ROBO1: variants seen among roughly 807,000 people sequenced by gnomAD.
ROBO1 encodes the protein roundabout homolog 1.
In ROBO1, 149 loss-of-function variants were observed where a neutral mutation model predicts 195.9. That is an observed-to-expected ratio of 0.76 (90% confidence interval 0.67 to 0.87). The LOEUF is 0.87. ROBO1 is among the 40% of genes least tolerant of loss of function. The pLI is 0.00. For missense variants in ROBO1, 1,933 were observed against 2,068.3 expected (o/e 0.93, Z 1.27); for synonymous variants, 816 against 733.2 (o/e 1.11, Z -1.82).
rs1271573537 is a variant in ROBO1, at chr3:78,957,675, T to C, written c.173-18748A>G. 2.6e-5 allele frequency among the ~76,000 whole-genome samples: 4 copies of C among 152,158 alleles called. No individual in the cohort carries two copies. In the East Asian group the frequency reaches 5.8e-4, roughly 22 times the overall value. ...GCTCAGTCATGCCCTGTGTGATCCT[T>C]AGGAGTTAAAAGACTGGATATGGAT... On this transcript the variant is annotated intron_variant, in intron 3 of 30. Coordinates refer to ENST00000464233, the MANE Select transcript of ROBO1 (RefSeq NM_002941.4).
intron 1 of ROBO1, among the ~76,000 whole-genome samples, chr3:79,748,754 C>T (rs1049931023): frequency 2.6e-5 from 4 of 152,128 alleles, no homozygotes; most frequent in Non-Finnish European, 5.9e-5. Flanking sequence ...AGTTTGCCTG[C>T]ACGAGCTCTT....
chr3:79,675,502 A>C (rs1560090701), intron 1 of ROBO1, among the ~76,000 whole-genome samples: 2 of 152,164 alleles, frequency 1.3e-5, no homozygotes, highest in East Asian at 3.9e-4. Context: ...CCTCCTCTTC[A>C]TGAACTTGGA....
intron 3 of ROBO1, among the ~76,000 whole-genome samples, chr3:79,061,813 C>A (rs550698760): frequency 1.1e-4 from 17 of 152,094 alleles, no homozygotes; most frequent in Non-Finnish European, 2.2e-4. Flanking sequence ...AAAGCTGAAA[C>A]TGGATCCCTT....
chr3:79,112,123 G>T (rs997475191), intron 3 of ROBO1, among the ~76,000 whole-genome samples: 1 of 152,086 alleles, frequency 6.6e-6, no homozygotes, highest in East Asian at 1.9e-4. Context: ...TTGAAATATG[G>T]CTACTAGAAA....
At position 78,900,940 on chromosome 3, in the gene ROBO1, C is replaced by T. The variant is rs758962894; in HGVS notation, c.499+37661G>A. ...AGATAAAATAGAAAATGAAATGCAA[C>T]ACCTTTATTCATCTCATCTGTCTCT... On this transcript the variant is annotated intron_variant, in intron 4 of 30. Transcript: ENST00000464233. Among the ~76,000 whole-genome samples the T allele has an allele frequency of 4.6e-5, 7 of 152,144 alleles. No individual in the cohort carries two copies. The South Asian group carries it at 1.2e-3, about 27-fold the overall frequency.
At position 79,451,719 on chromosome 3, in the gene ROBO1, C is replaced by T. The variant is rs115829266; in HGVS notation, c.88+138105G>A. Among the ~76,000 whole-genome samples the T allele has an allele frequency of 3.5e-3, 533 of 151,850 alleles. 2 individuals carry two copies. The highest frequency in any genetic ancestry group is 5.6e-3 in the Non-Finnish European group (378 of 67,914). The stretch of plus-strand genomic sequence containing the variant: ...GAAGGTTACTATCAAACAACCAGTA[C>T]GTGGTATTTCGTTACAGCATCTCAG... On this transcript the variant is annotated intron_variant, in intron 2 of 30. Coordinates refer to ENST00000464233, the MANE Select transcript of ROBO1 (RefSeq NM_002941.4).
chr3:79,112,419 G>C (rs1034545628), intron 3 of ROBO1, among the ~76,000 whole-genome samples: 2 of 152,140 alleles, frequency 1.3e-5, no homozygotes, highest in Non-Finnish European at 2.9e-5. Context: ...GATTTCAGGA[G>C]GGATGACAGG....
At chr3:78,790,069 T>G (rs2108521410) in intron 4 of ROBO1, among the ~76,000 whole-genome samples, 1 of 152,324 alleles carries the variant, frequency 6.6e-6, no homozygotes, top group South Asian at 2.1e-4. Context: ...ACCATGAACC[T>G]TGACCAATAC....
chr3:79,148,751 C>T (rs1395480752), intron 2 of ROBO1, among the ~76,000 whole-genome samples: 4 of 151,868 alleles, frequency 2.6e-5, no homozygotes, highest in Non-Finnish European at 4.4e-5. Context: ...CAATTCTTAA[C>T]ATTCATACTC....
intron 3 of ROBO1, among the ~76,000 whole-genome samples, chr3:79,107,087 C>T (rs1055067779): frequency 6.7e-6 from 1 of 148,232 alleles, no homozygotes; most frequent in South Asian, 2.1e-4. Flanking sequence ...TGGAAAACTG[C>T]TTATCTATAC....
At chr3:79,409,941 T>C (rs867162823) in intron 2 of ROBO1, among the ~76,000 whole-genome samples, 2 of 152,230 alleles carry the variant, frequency 1.3e-5, no homozygotes, top group South Asian at 2.1e-4. Flanking sequence ...CACATATATA[T>C]ATACACACAT....
At chr3:79,425,017 T>C (rs1214294932) in intron 2 of ROBO1, among the ~76,000 whole-genome samples, 1 of 152,138 alleles carries the variant, frequency 6.6e-6, no homozygotes, top group Admixed American at 6.6e-5. Context: ...AGCGACATGC[T>C]CCTTCATGCC....
intron 3 of ROBO1, among the ~76,000 whole-genome samples, chr3:79,116,336 C>T (rs532783842): frequency 4.1e-4 from 58 of 140,980 alleles, no homozygotes; most frequent in Non-Finnish European, 6.5e-4. Context: ...CTTTTCTTTT[C>T]CTTTCTTTCT....
At chr3:78,655,328 A>G (rs1337929103) in intron 18 of ROBO1, among the ~76,000 whole-genome samples, 1 of 152,084 alleles carries the variant, frequency 6.6e-6, no homozygotes, top group South Asian at 2.1e-4. Flanking sequence ...CTTAGTTTTG[A>G]GGTTACCCCA....
chr3:78,691,264 T>C (rs1386546162), intron 8 of ROBO1, among the ~76,000 whole-genome samples: 1 of 152,150 alleles, frequency 6.6e-6, no homozygotes, highest in Non-Finnish European at 1.5e-5. Context: ...ATATTTATGA[T>C]GAAATTTTGG....
intron 2 of ROBO1, among the ~76,000 whole-genome samples, chr3:79,460,908 CG>C (rs146704858): frequency 0.034 from 5,226 of 151,944 alleles, 211 homozygotes; most frequent in African/African-American, 0.098. Context: ...CCACCACGCC[CG>C]GCTAATTTTT....
intron 28 of ROBO1, 172 bp from the exon 29 acceptor site, chr3:78,607,213 T>C: frequency 1.6e-6 from 1 of 609,516 alleles, no homozygotes; most frequent in South Asian, 2.2e-5. Context: ...AATTTATGTT[T>C]ATTTATTTAT....
intron 1 of ROBO1, among the ~76,000 whole-genome samples, chr3:79,734,748 G>C (rs1415360643): frequency 6.6e-6 from 1 of 150,800 alleles, no homozygotes; most frequent in Non-Finnish European, 1.5e-5. Flanking sequence ...CTGAGTGGGA[G>C]CGTCAAACTC....
At chr3:79,197,385 T>C (rs2081658523) in intron 2 of ROBO1, among the ~76,000 whole-genome samples, 1 of 152,096 alleles carries the variant, frequency 6.6e-6, no homozygotes, top group Non-Finnish European at 1.5e-5. Context: ...TTTTTATGGC[T>C]GCATAGTATT....
Sources: allele counts gnomAD v4.1 joint callset (sites outside exome capture counted in the v4.1 genomes callset), GRCh38; gene constraint gnomAD v4.1.1; transcripts MANE v1.5; gene names NCBI Gene and HGNC (gene_info 2026-07-23, HGNC 2026-07-21).